NTRK3: variants seen among roughly 807,000 people sequenced by gnomAD.
NTRK3 encodes the protein neurotrophic receptor tyrosine kinase 3.
Under a neutral mutation model 91.7 loss-of-function variants are expected in NTRK3, and 24 were observed. The observed-to-expected ratio is 0.26, with a 90% confidence interval of 0.19 to 0.37. The LOEUF (loss-of-function observed/expected upper bound fraction) is 0.37. NTRK3 is among the 10% of genes least tolerant of loss of function. The pLI is 1.00. For missense variants in NTRK3, 880 were observed against 1,068.9 expected (o/e 0.82, Z 2.46); for synonymous variants, 483 against 404.0 (o/e 1.20, Z -2.34).
At chr15:88,253,313 C>A (rs74027928) in intron 3 of NTRK3, 27,897 of 152,096 alleles carry the variant, frequency 0.18, 3,635 homozygotes, top group African/African-American at 0.37. Context: ...ACCCCAGCTG[C>A]GGGTGCTTCT....
At chr15:88,198,796 T>C (rs1251637362) in intron 3 of NTRK3, among the ~76,000 whole-genome samples, 1 of 152,146 alleles carries the variant, frequency 6.6e-6, no homozygotes, top group Non-Finnish European at 1.5e-5. Flanking sequence ...GCTGTCTAAG[T>C]AGCCTGGGAC....
chr15:88,173,880 T>C (rs2045756662), intron 5 of NTRK3, among the ~76,000 whole-genome samples: 2 of 152,254 alleles, frequency 1.3e-5, no homozygotes, highest in Admixed American at 1.3e-4. Context: ...TATGAAACCT[T>C]AGGCAAGTCA....
intron 17 of NTRK3, among the ~76,000 whole-genome samples, chr15:87,899,050 G>A (rs1188099711): frequency 6.6e-6 from 1 of 151,994 alleles, no homozygotes; most frequent in Non-Finnish European, 1.5e-5. Flanking sequence ...CATATCTTGG[G>A]GCTTACCAAG....
At chr15:87,929,811 G>A (rs182017598) in intron 16 of NTRK3, among the ~76,000 whole-genome samples, 2 of 152,252 alleles carry the variant, frequency 1.3e-5, no homozygotes, top group Admixed American at 1.3e-4. Context: ...TTTAAATATT[G>A]TAATTCACTC....
intron 13 of NTRK3, among the ~76,000 whole-genome samples, chr15:88,125,778 C>T (rs554667948): frequency 8.5e-5 from 13 of 152,326 alleles, no homozygotes; most frequent in African/African-American, 3.1e-4. Context: ...GGCATCCACT[C>T]TGGGACTCTG....
chr15:88,046,158 G>T (rs1171587054), intron 13 of NTRK3, among the ~76,000 whole-genome samples: 2 of 152,160 alleles, frequency 1.3e-5, no homozygotes, highest in Non-Finnish European at 2.9e-5. Flanking sequence ...CAGGCTCTGG[G>T]TGAACTGGGA....
chr15:87,860,169 G>A (rs376832408), exon 19 of NTRK3: 13 of 222,748 alleles, frequency 5.8e-5, no homozygotes, highest in South Asian at 1.8e-4. Context: ...CATAGATTCC[G>A]ATGAAGACAC....
chr15:87,878,363 T>C (rs1250095917), intron 18 of NTRK3, among the ~76,000 whole-genome samples: 4 of 152,208 alleles, frequency 2.6e-5, no homozygotes, highest in African/African-American at 9.7e-5. Flanking sequence ...TCACGCTGAC[T>C]TTGGGAGGGC....
intron 14 of NTRK3, among the ~76,000 whole-genome samples, chr15:87,949,863 G>T (rs140899176): frequency 2.4e-4 from 37 of 152,328 alleles, no homozygotes; most frequent in Non-Finnish European, 1.6e-4. Context: ...GAATTGTGAA[G>T]TTAGGTGCTG....
chr15:87,983,957 C>T (rs117563681), intron 14 of NTRK3, among the ~76,000 whole-genome samples: 3,904 of 152,232 alleles, frequency 0.026, 67 homozygotes, highest in South Asian at 0.056. Flanking sequence ...CTGGTGGCTT[C>T]ACCCCCACCC....
chr15:88,166,902 C>T (rs2045016711), intron 5 of NTRK3, among the ~76,000 whole-genome samples: 1 of 152,146 alleles, frequency 6.6e-6, no homozygotes, highest in African/African-American at 2.4e-5. Context: ...AATATTTCGT[C>T]TCTTTTTCTC....
At chr15:87,941,079 G>A (rs1377422358) in intron 14 of NTRK3, among the ~76,000 whole-genome samples, 2 of 152,144 alleles carry the variant, frequency 1.3e-5, no homozygotes, top group Non-Finnish European at 2.9e-5. Flanking sequence ...GCACAAAGCA[G>A]TCTCCACAGT....
At chr15:87,971,081 G>A (rs2073219404) in intron 14 of NTRK3, among the ~76,000 whole-genome samples, 1 of 152,204 alleles carries the variant, frequency 6.6e-6, no homozygotes, top group African/African-American at 2.4e-5. Flanking sequence ...ATGCCAAATT[G>A]ACAGCCATAA....
At chr15:88,121,277 G>A (rs986775317) in intron 13 of NTRK3, among the ~76,000 whole-genome samples, 3 of 152,118 alleles carry the variant, frequency 2.0e-5, no homozygotes, top group African/African-American at 7.2e-5. Flanking sequence ...TTCTAATGAC[G>A]ACGTGAAATG....
intron 13 of NTRK3, among the ~76,000 whole-genome samples, chr15:88,042,764 AC>A (rs1047861601): frequency 2.6e-5 from 4 of 151,946 alleles, no homozygotes; most frequent in African/African-American, 9.7e-5. Flanking sequence ...CATCACCACA[AC>A]CCTGGGGGTA....
At chr15:88,208,434 T>G (rs1232200004) in intron 3 of NTRK3, among the ~76,000 whole-genome samples, 1 of 152,184 alleles carries the variant, frequency 6.6e-6, no homozygotes, top group Non-Finnish European at 1.5e-5. Flanking sequence ...TGCATGATGC[T>G]ACATCACTGT....
chr15:87,862,043 G>A (rs3743164), exon 19 of NTRK3: 130,896 of 212,560 alleles, frequency 0.62, 40,568 homozygotes, highest in African/African-American at 0.63. Flanking sequence ...TTTTAAATAT[G>A]GGAAGGTTCC....
At chr15:88,194,341 T>C (rs2047647034) in intron 3 of NTRK3, among the ~76,000 whole-genome samples, 1 of 152,270 alleles carries the variant, frequency 6.6e-6, no homozygotes, top group South Asian at 2.1e-4. Flanking sequence ...GTCCTTGTGC[T>C]GATAGCACTC....
chr15:88,193,240 C>G (rs1056195779), intron 3 of NTRK3, among the ~76,000 whole-genome samples: 1 of 152,132 alleles, frequency 6.6e-6, no homozygotes, highest in African/African-American at 2.4e-5. Context: ...CTACAGGCAC[C>G]CTGAACTTGA....
Sources: allele counts gnomAD v4.1 joint callset (sites outside exome capture counted in the v4.1 genomes callset), GRCh38; gene constraint gnomAD v4.1.1; transcripts MANE v1.5; gene names NCBI Gene and HGNC (gene_info 2026-07-23, HGNC 2026-07-21).